STXBP5L: variants seen among roughly 807,000 people sequenced by gnomAD.
The protein encoded by STXBP5L is syntaxin binding protein 5L, also known as syntaxin-binding protein 5-like.
In STXBP5L, 65 loss-of-function variants were observed where a neutral mutation model predicts 144.5. That is an observed-to-expected ratio of 0.45 (90% CI 0.37 to 0.55). The LOEUF (loss-of-function observed/expected upper bound fraction) is 0.55. Ranked by LOEUF, STXBP5L falls within the 20% of genes least tolerant of loss-of-function variation. STXBP5L has a pLI of 0.00. For synonymous variants in STXBP5L, 505 were observed against 469.6 expected, an observed-to-expected ratio of 1.08 and a Z score of -0.97; for missense variants, 1,298 against 1,405.5, an observed-to-expected ratio of 0.92 and a Z score of 1.22.
chr3:121,019,037 TG>T (rs887693822), intron 3 of STXBP5L, among the ~76,000 whole-genome samples: 7 of 152,226 alleles, frequency 4.6e-5, no homozygotes, highest in Admixed American at 4.6e-4. Flanking sequence ...GGGGGCACAG[TG>T]GGAGTGAAAC....
At chr3:121,285,402 T>A (rs1407340506) in intron 19 of STXBP5L, among the ~76,000 whole-genome samples, 2 of 152,178 alleles carry the variant, frequency 1.3e-5, no homozygotes, top group East Asian at 3.9e-4. Context: ...GTGTCTTTTT[T>A]AAAGTTTCAG....
chr3:121,001,937 A>G (rs1273307373), intron 3 of STXBP5L, among the ~76,000 whole-genome samples: 2 of 152,106 alleles, frequency 1.3e-5, no homozygotes, highest in Non-Finnish European at 2.9e-5. Context: ...CATTCACCAC[A>G]TTTTTTTATC....
At chr3:121,239,912 T>C (rs1433262340) in intron 13 of STXBP5L, among the ~76,000 whole-genome samples, 51 of 152,024 alleles carry the variant, frequency 3.4e-4, no homozygotes, top group Non-Finnish European at 4.4e-5. Context: ...CAGGTCTTCC[T>C]AGTTTATAAT....
At chr3:120,975,028 T>G (rs895747298) in intron 3 of STXBP5L, among the ~76,000 whole-genome samples, 21 of 152,216 alleles carry the variant, frequency 1.4e-4, no homozygotes, top group African/African-American at 7.2e-5. Flanking sequence ...CGATGCGGGC[T>G]CTTTTTTGGT....
At chr3:120,997,729 C>G (rs1233845254) in intron 3 of STXBP5L, among the ~76,000 whole-genome samples, 1 of 152,096 alleles carries the variant, frequency 6.6e-6, no homozygotes, top group Non-Finnish European at 1.5e-5. Flanking sequence ...TGTAGATTGT[C>G]TGTTTACTCT....
chr3:121,253,804 TTTTTTC>T (rs1413238282), intron 15 of STXBP5L, among the ~76,000 whole-genome samples: 6 of 132,486 alleles, frequency 4.5e-5, no homozygotes, highest in African/African-American at 1.4e-4. Flanking sequence ...CTAATTTTTT[TTTTTTC>T]TTTTTTTTTT....
Position 121,361,217 on chromosome 3 carries a change from C to T in STXBP5L, c.2177-17499C>T, listed in dbSNP as rs903944716. Among the ~76,000 whole-genome samples, 8 of 152,038 alleles carry T rather than the reference C, an allele frequency of 5.3e-5. 1 individual carries two copies. The South Asian group carries it at 6.2e-4, about 12-fold the overall frequency. ...CTTTTCTCTTGCTACTTTTAGAGTC[C>T]TTTCTTTATCCTTGACTTTTGGGAG... On this transcript the variant is annotated intron_variant, in intron 20 of 26. Transcript: ENST00000471454.
chr3:121,125,609 G>C (rs1192421533), intron 7 of STXBP5L, among the ~76,000 whole-genome samples: 1 of 152,130 alleles, frequency 6.6e-6, no homozygotes, highest in Admixed American at 6.6e-5. Context: ...GTATTGATTT[G>C]ATACAGCATT....
chr3:121,080,130 T>A (rs2107689590), intron 5 of STXBP5L, among the ~76,000 whole-genome samples: 1 of 152,328 alleles, frequency 6.6e-6, no homozygotes, highest in Non-Finnish European at 1.5e-5. Context: ...TTTTGTCTGA[T>A]ATAAGAATAG....
At chr3:121,195,670 G>A (rs754640591) in intron 9 of STXBP5L, among the ~76,000 whole-genome samples, 15 of 152,162 alleles carry the variant, frequency 9.9e-5, no homozygotes, top group African/African-American at 3.6e-4. Flanking sequence ...TTCTGCTTTA[G>A]TAAACTAATA....
intron 9 of STXBP5L, among the ~76,000 whole-genome samples, chr3:121,160,770 T>C (rs572676059): frequency 6.6e-6 from 1 of 152,302 alleles, no homozygotes; most frequent in Admixed American, 6.5e-5. Context: ...TTTCCCTCTT[T>C]CCTCTTTTTG....
chr3:121,084,301 C>A (rs2042387185), intron 5 of STXBP5L, among the ~76,000 whole-genome samples: 1 of 152,152 alleles, frequency 6.6e-6, no homozygotes, highest in South Asian at 2.1e-4. Flanking sequence ...CACCTATCAA[C>A]CTATCACCTA....
At chr3:120,914,226 AATAAGT>A (rs1376111570) in intron 2 of STXBP5L, among the ~76,000 whole-genome samples, 3 of 152,070 alleles carry the variant, frequency 2.0e-5, no homozygotes, top group African/African-American at 7.2e-5. Context: ...AAAAGATAAA[AATAAGT>A]ATATTACCAA....
intron 9 of STXBP5L, 176 bp downstream of exon 9, chr3:121,157,803 C>T: frequency 1.3e-6 from 1 of 775,432 alleles, no homozygotes; most frequent in Non-Finnish European, 1.9e-6. Context: ...ACTTTCCATA[C>T]TTCCCTTCTT....
intron 5 of STXBP5L, among the ~76,000 whole-genome samples, chr3:121,057,570 T>A (rs761183541): frequency 1.3e-5 from 2 of 152,026 alleles, no homozygotes; most frequent in African/African-American, 2.4e-5. Context: ...AAAAATGGAA[T>A]AATATATATA....
intron 9 of STXBP5L, among the ~76,000 whole-genome samples, chr3:121,173,896 C>A (rs1403728802): frequency 2.4e-5 from 3 of 124,016 alleles, no homozygotes; most frequent in African/African-American, 7.1e-5. Flanking sequence ...AGTAGTGGCA[C>A]TTTGTATGGG....
At position 121,138,832 on chromosome 3, in the gene STXBP5L, A is replaced by G. The variant is rs147399282; in HGVS notation, c.670-13645A>G. Among the ~76,000 whole-genome samples, 59 of 152,160 alleles carry G rather than the reference A, an allele frequency of 3.9e-4. 2 individuals carry two copies. The East Asian group carries it at 0.011, about 27-fold the overall frequency. On this transcript the variant is annotated intron_variant, in intron 7 of 26. Coordinates refer to ENST00000471454, the MANE Select transcript of STXBP5L (RefSeq NM_001308330.2). ...GAAAACAGGGGAAATGCTTCATGAC[A>G]TGGGTATGGGCAAGGAGTTTTTTGA...
At chr3:121,353,974 C>T (rs929520943) in intron 20 of STXBP5L, among the ~76,000 whole-genome samples, 4 of 152,162 alleles carry the variant, frequency 2.6e-5, no homozygotes, top group African/African-American at 9.7e-5. Flanking sequence ...TGTTCAGTTT[C>T]CAAATAGTTG....
rs548385754 is a variant in STXBP5L at position 120,984,926 on chromosome 3, G to GT, written c.287+29895dup. Among the ~76,000 whole-genome samples, 32 of 151,838 alleles carry GT rather than the reference G, an allele frequency of 2.1e-4. No individual in the cohort carries two copies. The South Asian group carries it at 6.0e-3, about 29-fold the overall frequency. On this transcript the variant is annotated intron_variant, in intron 3 of 26. Transcript: ENST00000471454. ...TTCTACATCAATTGAGATGTTGTGT[G>GT]TTTTTTCCCATTCAGTCTCTTATTA... is the stretch of plus-strand genomic sequence containing the variant.
Sources: allele counts gnomAD v4.1 joint callset (sites outside exome capture counted in the v4.1 genomes callset), GRCh38; gene constraint gnomAD v4.1.1; transcripts MANE v1.5; gene names NCBI Gene and HGNC (gene_info 2026-07-23, HGNC 2026-07-21).